The following PRKAA2 variants were observed in gnomAD, a reference collection of about 807,000 sequenced individuals.
PRKAA2 encodes the protein 5'-AMP-activated protein kinase catalytic subunit alpha-2.
Under a neutral mutation model 56.3 loss-of-function variants are expected in PRKAA2, and 40 were observed. The observed-to-expected ratio is 0.71, with a 90% confidence interval of 0.55 to 0.92. The LOEUF (loss-of-function observed/expected upper bound fraction) is 0.92. PRKAA2 is among the 40% of genes least tolerant of loss of function. PRKAA2 has a pLI of 0.00. For synonymous variants in PRKAA2, 214 were observed against 234.2 expected (o/e 0.91, Z 0.79); for missense variants, 542 against 686.9 (o/e 0.79, Z 2.36).
rs1363047073 is a variant in PRKAA2, at chr1:56,714,607, G to C, written c.*6894G>C. 6.6e-6 allele frequency: 1 copy of C among 152,112 alleles called. No individual in the cohort carries two copies. Among genetic ancestry groups the C allele is most frequent in the African/African-American group, 2.4e-5 (1 of 41,444 alleles). The allele number at this position is 152,112 out of a possible 1,614,324, so 9.4% of individuals were successfully genotyped here. A position where few individuals can be genotyped will look rare whatever the true frequency, so the allele number is the denominator to read the frequency against. On this transcript the variant is annotated 3_prime_UTR_variant, in exon 9 of 9. Coordinates refer to ENST00000371244, the MANE Select transcript of PRKAA2 (RefSeq NM_006252.4). Reference sequence around the variant, plus strand: ...ATCTCTTAAAATGTTGGCTGAAGCTGCCTTAATGTACCAAAATACAGCTCT... The same window carrying C: ...ATCTCTTAAAATGTTGGCTGAAGCTCCCTTAATGTACCAAAATACAGCTCT...
At chr1:56,664,137 A>G (rs543765743) in intron 1 of PRKAA2, among the ~76,000 whole-genome samples, 49 of 152,268 alleles carry the variant, frequency 3.2e-4, no homozygotes, top group Non-Finnish European at 6.8e-4. Context: ...TTCTTAAAAC[A>G]AATTACCTAT....
At chr1:56,675,573 C>T (rs1557550897) in intron 2 of PRKAA2, among the ~76,000 whole-genome samples, 1 of 152,038 alleles carries the variant, frequency 6.6e-6, no homozygotes, top group Non-Finnish European at 1.5e-5. Flanking sequence ...TCCAGCATTC[C>T]AGTTTTTCTT....
chr1:56,706,304 G>A (rs577082672), intron 8 of PRKAA2, 86 bp downstream of exon 8: 28 of 1,491,916 alleles, frequency 1.9e-5, no homozygotes, highest in African/African-American at 2.8e-5. Context: ...GAAGACATCC[G>A]GTGGGTAGGT....
intron 1 of PRKAA2, among the ~76,000 whole-genome samples, chr1:56,646,066 T>C (rs2100371478): frequency 6.6e-6 from 1 of 152,066 alleles, no homozygotes; most frequent in East Asian, 1.9e-4. Context: ...AGTACCAGAG[T>C]GAAGTCTAAG....
At chr1:56,659,704 C>T (rs6686836) in intron 1 of PRKAA2, among the ~76,000 whole-genome samples, 4,878 of 152,036 alleles carry the variant, frequency 0.032, 107 homozygotes, top group South Asian at 0.099. Flanking sequence ...GGGTGGATTC[C>T]TTGAACCAGC....
At chr1:56,684,561 G>A (rs560738282) in intron 2 of PRKAA2, among the ~76,000 whole-genome samples, 1 of 152,246 alleles carries the variant, frequency 6.6e-6, no homozygotes, top group South Asian at 2.1e-4. Flanking sequence ...GAGGTGGGAG[G>A]AAAATTAGGG....
At chr1:56,684,297 T>G (rs929478199) in intron 2 of PRKAA2, among the ~76,000 whole-genome samples, 5 of 152,048 alleles carry the variant, frequency 3.3e-5, no homozygotes, top group Non-Finnish European at 7.4e-5. Context: ...TTGAAATGCT[T>G]ATTAGACATC....
intron 1 of PRKAA2, among the ~76,000 whole-genome samples, chr1:56,666,289 T>C (rs1172284094): frequency 1.3e-5 from 2 of 152,148 alleles, no homozygotes; most frequent in African/African-American, 4.8e-5. Context: ...CTGAAGGAGC[T>C]AGCCACCGTA....
At chr1:56,657,206 CA>C (rs1352463283) in intron 1 of PRKAA2, among the ~76,000 whole-genome samples, 1 of 151,916 alleles carries the variant, frequency 6.6e-6, no homozygotes, top group Non-Finnish European at 1.5e-5. Context: ...TAAAAGCAGC[CA>C]GGGGGTGGGG....
chr1:56,673,747 A>T (rs188092266), intron 1 of PRKAA2, among the ~76,000 whole-genome samples: 173 of 152,354 alleles, frequency 1.1e-3, no homozygotes, highest in African/African-American at 4.0e-3. Flanking sequence ...GTCCAAGGAG[A>T]GTATGAGCTA....
At position 56,645,417 on chromosome 1, in the gene PRKAA2, G is replaced by T; in HGVS notation, c.30G>T (p.Arg10=). Reference sequence around the variant, plus strand: ...CTGAGAAGCAGAAGCACGACGGGCGGGTGAAGATCGGACACTACGTGCTGG... The same window carrying T: ...CTGAGAAGCAGAAGCACGACGGGCGTGTGAAGATCGGACACTACGTGCTGG... The part of the protein sequence containing the change: MAEKQKHDG[R]VKIGHYVLGD... The change falls in exon 1 of 9, where the codon CGG becomes CGT. Residue 10 remains arginine (R), a synonymous_variant. Transcript: ENST00000371244. 2.0e-6 allele frequency: 3 copies of T among 1,515,030 alleles called. No homozygotes were observed. The highest frequency in any genetic ancestry group is 2.7e-6 in the Non-Finnish European group (3 of 1,126,300). 93.8% of individuals were successfully genotyped at this position (1,515,030 alleles called of 1,614,324 possible).
At chr1:56,655,280 A>ATATATATATATTTTTTTTTTTTTTTT in intron 1 of PRKAA2, among the ~76,000 whole-genome samples, 40 of 93,634 alleles carry the variant, frequency 4.3e-4, no homozygotes, top group South Asian at 1.1e-3. Context: ...ATATATATAT[A>ATATATATATATTTTTTTTTTTTTTTT]TTTTTTTTTT....
chr1:56,666,743 C>T (rs1644038777), intron 1 of PRKAA2, among the ~76,000 whole-genome samples: 1 of 152,110 alleles, frequency 6.6e-6, no homozygotes, highest in Non-Finnish European at 1.5e-5. Flanking sequence ...ACAGGAAAGA[C>T]AGGCAGAGAC....
intron 2 of PRKAA2, among the ~76,000 whole-genome samples, chr1:56,682,640 T>C (rs1239515764): frequency 6.6e-6 from 1 of 151,868 alleles, no homozygotes; most frequent in East Asian, 1.9e-4. Context: ...TTTTGGAGAG[T>C]TGGAGAAGTA....
chr1:56,665,333 CA>C (rs1337573535), intron 1 of PRKAA2, among the ~76,000 whole-genome samples: 7 of 152,278 alleles, frequency 4.6e-5, no homozygotes, highest in Admixed American at 2.0e-4. Context: ...CTTGGCCTCC[CA>C]AAGTACTGGG....
intron 2 of PRKAA2, among the ~76,000 whole-genome samples, chr1:56,690,577 A>C (rs564563255): frequency 6.6e-6 from 1 of 152,338 alleles, no homozygotes; most frequent in Admixed American, 6.5e-5. Context: ...TTTGAATCAG[A>C]ATCAAAATAA....
In PRKAA2 at chr1:56,704,049, TG is replaced by T; in HGVS notation, c.868del (p.Asp290MetfsTer4). ...DPSYDANVID[D>X]EAVKEVCEKF... ...CTTCCTATGATGCTAACGTCATTGA[TG>T]ATGAGGCTGTGAAAGAAGTGTGTGA... is the stretch of plus-strand genomic sequence containing the variant. On this transcript the variant is annotated frameshift_variant, in exon 7 of 9. Transcript: ENST00000371244. LOFTEE classifies it high-confidence loss of function. 1.2e-6 allele frequency: 2 copies of T among 1,614,092 alleles called. No homozygotes were observed. Among genetic ancestry groups the T allele is most frequent in the Non-Finnish European group, 1.7e-6 (2 of 1,179,942 alleles).
Position 56,700,725 on chromosome 1 carries a change from G to A in PRKAA2, c.789-3246G>A, listed in dbSNP as rs375904857. Among the ~76,000 whole-genome samples the A allele has an allele frequency of 9.2e-5, 14 of 152,218 alleles. No homozygotes were observed. In the South Asian group the frequency reaches 2.9e-3, roughly 32 times the overall value. ...TCACATAAAAACCAGGCTTGTGAGT[G>A]GAGGTTTCCAGAGAACTGCTAGACA... On this transcript the variant is annotated intron_variant, in intron 6 of 8. Transcript: ENST00000371244.
rs1644388657 is a variant in PRKAA2 at position 56,714,000 on chromosome 1, T to G, written c.*6287T>G. On this transcript the variant is annotated 3_prime_UTR_variant, in exon 9 of 9. Coordinates refer to ENST00000371244, the MANE Select transcript of PRKAA2 (RefSeq NM_006252.4). ...GCCTCCTACAAATGATCATGTTGTT[T>G]GCATCTGCCTGATTGAGTTCCCTTG... The G allele has an allele frequency of 2.0e-5, 3 of 152,130 alleles. No homozygotes were observed. The South Asian group carries it at 6.2e-4, about 32-fold the overall frequency. The allele number at this position is 152,130 out of a possible 1,614,324, so 9.4% of individuals were successfully genotyped here.
Sources: allele counts gnomAD v4.1 joint callset (sites outside exome capture counted in the v4.1 genomes callset), GRCh38; gene constraint gnomAD v4.1.1; transcripts MANE v1.5; gene names NCBI Gene and HGNC (gene_info 2026-07-23, HGNC 2026-07-21).